Variants in ZNF423 observed in about 807,000 individuals in gnomAD.
The protein encoded by ZNF423 is zinc finger protein 423.
ZNF423 carries 12 observed loss-of-function variants against 95.8 expected under a neutral mutation model. The ratio of observed to expected loss-of-function variants is 0.13; its 90% CI spans 0.08 to 0.20. The LOEUF (loss-of-function observed/expected upper bound fraction) is 0.20. Ranked by LOEUF, ZNF423 falls within the 10% of genes least tolerant of loss-of-function variation. The probability of loss-of-function intolerance (pLI) is 1.00; values close to 1 mark genes in which losing one functional copy is unlikely to be tolerated. For missense variants in ZNF423, 1,316 were observed against 1,737.1 expected, an observed-to-expected ratio of 0.76 and a Z score of 4.31; for synonymous variants, 749 against 711.9, an observed-to-expected ratio of 1.05 and a Z score of -0.83.
intron 7 of ZNF423, among the ~76,000 whole-genome samples, chr16:49,493,741 T>A (rs1189446774): frequency 6.6e-6 from 1 of 151,984 alleles, no homozygotes; most frequent in African/African-American, 2.4e-5. Flanking sequence ...AATGTATGGA[T>A]AGGATGTGGA....
At chr16:49,705,585 T>C (rs963165202) in intron 3 of ZNF423, among the ~76,000 whole-genome samples, 4 of 152,222 alleles carry the variant, frequency 2.6e-5, no homozygotes, top group African/African-American at 4.8e-5. Flanking sequence ...TTCACTCTTG[T>C]TGCCCAGGCT....
At chr16:49,640,131 C>G (rs1034242680) in intron 3 of ZNF423, among the ~76,000 whole-genome samples, 1 of 152,182 alleles carries the variant, frequency 6.6e-6, no homozygotes, top group Admixed American at 6.5e-5. Flanking sequence ...CCTCTCCAGC[C>G]GCCAGCCAGC....
At chr16:49,727,835 C>T (rs1008001948) in intron 3 of ZNF423, among the ~76,000 whole-genome samples, 10 of 152,220 alleles carry the variant, frequency 6.6e-5, no homozygotes, top group Admixed American at 1.3e-4. Context: ...GCGCCCAGCG[C>T]GGCCCTCTCG....
chr16:49,500,113 T>A (rs1967336005), intron 7 of ZNF423, among the ~76,000 whole-genome samples: 1 of 152,176 alleles, frequency 6.6e-6, no homozygotes, highest in Non-Finnish European at 1.5e-5. Flanking sequence ...GAAGATGGAA[T>A]GCTTCCAGGG....
At chr16:49,702,528 T>C (rs948551445) in intron 3 of ZNF423, among the ~76,000 whole-genome samples, 2 of 152,004 alleles carry the variant, frequency 1.3e-5, no homozygotes, top group Non-Finnish European at 2.9e-5. Flanking sequence ...GCCGATCAAA[T>C]TGAGGAGGGG....
rs1029928338 is a variant in ZNF423, at chr16:49,492,962, A to G, written c.3850-1658T>C. On this transcript the variant is annotated intron_variant, in intron 7 of 7. Transcript: ENST00000563137. The surrounding 1 kb of genome is among the most constrained non-coding windows in gnomAD (Gnocchi z 4.2). Reference sequence around the variant, plus strand: ...CACCCCATGGGCACCGCAGTCTGCAAATCACCCGCATTCTGCACCAGACAC... The same window carrying G: ...CACCCCATGGGCACCGCAGTCTGCAGATCACCCGCATTCTGCACCAGACAC... Among the ~76,000 whole-genome samples the G allele has an allele frequency of 6.6e-6, 1 of 152,148 alleles. No homozygotes were observed. Among genetic ancestry groups the G allele is most frequent in the African/African-American group, 2.4e-5 (1 of 41,526 alleles).
intron 3 of ZNF423, among the ~76,000 whole-genome samples, chr16:49,698,356 G>A (rs2032051549): frequency 2.6e-5 from 4 of 152,100 alleles, no homozygotes; most frequent in Admixed American, 2.6e-4. Context: ...TTAGAAACTG[G>A]GGAGGGGTGG....
chr16:49,793,761 G>A (rs1160702788), intron 1 of ZNF423, among the ~76,000 whole-genome samples: 1 of 152,148 alleles, frequency 6.6e-6, no homozygotes, highest in African/African-American at 2.4e-5. Flanking sequence ...GTGACACAGA[G>A]CGGAGGCATG....
At chr16:49,548,645 C>T (rs1017178888) in intron 5 of ZNF423, among the ~76,000 whole-genome samples, 4 of 152,174 alleles carry the variant, frequency 2.6e-5, no homozygotes, top group Admixed American at 2.6e-4. Flanking sequence ...ACGGGGAAGG[C>T]GGAGCAGAGA....
chr16:49,701,429 G>A (rs2032179210), intron 3 of ZNF423, among the ~76,000 whole-genome samples: 1 of 151,138 alleles, frequency 6.6e-6, no homozygotes, highest in African/African-American at 2.4e-5. Context: ...CATCTCCAAG[G>A]TTGATTTTCT....
intron 7 of ZNF423, among the ~76,000 whole-genome samples, chr16:49,496,739 G>A (rs1426565953): frequency 6.6e-6 from 1 of 152,210 alleles, no homozygotes; most frequent in Non-Finnish European, 1.5e-5. Flanking sequence ...GATCTCCATA[G>A]TGGTGTCTGT....
chr16:49,557,851 G>A (rs1356590799), intron 5 of ZNF423, among the ~76,000 whole-genome samples: 1 of 152,178 alleles, frequency 6.6e-6, no homozygotes, highest in Non-Finnish European at 1.5e-5. Context: ...GCCCTGCAAG[G>A]AAGTGATCAA....
chr16:49,853,844 A>C, intron 1 of ZNF423: 3 of 985,360 alleles, frequency 3.0e-6, no homozygotes, highest in Non-Finnish European at 3.6e-6. Context: ...TCGCCGTCTA[A>C]CGTAAGGAGG....
intron 5 of ZNF423, among the ~76,000 whole-genome samples, chr16:49,531,080 G>T (rs1230317540): frequency 2.0e-5 from 3 of 152,216 alleles, no homozygotes; most frequent in Non-Finnish European, 4.4e-5. Flanking sequence ...CTTTCCCTGA[G>T]GAAGGGGAGG....
At chr16:49,580,001 G>A (rs1417450923) in intron 5 of ZNF423, among the ~76,000 whole-genome samples, 1 of 152,164 alleles carries the variant, frequency 6.6e-6, no homozygotes, top group Non-Finnish European at 1.5e-5. Context: ...CAGTACAGCA[G>A]CAGCAGTGGC....
At chr16:49,781,603 G>A (rs1242953407) in intron 2 of ZNF423, among the ~76,000 whole-genome samples, 1 of 152,214 alleles carries the variant, frequency 6.6e-6, no homozygotes, top group Non-Finnish European at 1.5e-5. Flanking sequence ...AGCAGGGCAG[G>A]AGGCAGCTCC....
intron 3 of ZNF423, among the ~76,000 whole-genome samples, chr16:49,675,587 C>G (rs907672518): frequency 4.6e-5 from 7 of 152,096 alleles, no homozygotes; most frequent in African/African-American, 7.2e-5. Flanking sequence ...GCCTGTGCGC[C>G]GGCTGCTGCT....
chr16:49,773,843 A>G (rs1267351099), intron 2 of ZNF423, among the ~76,000 whole-genome samples: 4 of 152,208 alleles, frequency 2.6e-5, no homozygotes, highest in Non-Finnish European at 5.9e-5. Flanking sequence ...GCCTATGGAA[A>G]TGCCTGCTTG....
At chr16:49,512,501 C>T (rs1284108011) in intron 7 of ZNF423, among the ~76,000 whole-genome samples, 1 of 152,226 alleles carries the variant, frequency 6.6e-6, no homozygotes, top group African/African-American at 2.4e-5. Flanking sequence ...GCAGGGCTGG[C>T]ATCTGAGGCC....
Sources: allele counts gnomAD v4.1 joint callset (sites outside exome capture counted in the v4.1 genomes callset), GRCh38; gene constraint gnomAD v4.1.1; non-coding constraint Gnocchi (gnomAD v3.1); transcripts MANE v1.5; gene names NCBI Gene and HGNC (gene_info 2026-07-23, HGNC 2026-07-21).